The following NUP107 variants were observed in gnomAD, a reference collection of about 807,000 sequenced individuals.
NUP107 encodes the protein nucleoporin 107, also known as nuclear pore complex protein Nup107.
NUP107 carries 101 observed loss-of-function variants against 141.0 expected under a neutral mutation model. That is an observed-to-expected ratio of 0.72 (90% confidence interval 0.61 to 0.84). The LOEUF (loss-of-function observed/expected upper bound fraction) is 0.84. Ranked by LOEUF, NUP107 falls within the 40% of genes least tolerant of loss-of-function variation. NUP107 has a pLI of 0.00. For synonymous variants in NUP107, 319 were observed against 363.9 expected (o/e 0.88, Z 1.41); for missense variants, 941 against 1,102.7 (o/e 0.85, Z 2.08).
rs549461304 is a variant in NUP107, at chr12:68,708,870, C to CG, written c.730-366dup. Among the ~76,000 whole-genome samples the CG allele has an allele frequency of 7.2e-3, 1,095 of 152,240 alleles. 10 individuals carry two copies. Among genetic ancestry groups the CG allele is most frequent in the Non-Finnish European group, 0.011 (768 of 68,018 alleles). On this transcript the variant is annotated intron_variant, in intron 8 of 27. Transcript: ENST00000229179. ...CTGACCTCAAGTGATCTGCCTGCCT[C>CG]GGCCTCCCAAAGTGCTGGGATTACA...
chr12:68,727,336 T>C lies in NUP107; in HGVS notation c.1696-15T>C, dbSNP rs1286895568. On this transcript the variant is annotated splice_polypyrimidine_tract_variant and intron_variant, in intron 19 of 27. Transcript: ENST00000229179. ...AAGCAGTGTATTTATAATTATGTCT[T>C]TTTTTCCTATGAAGGAGGAAGTTTC... is the stretch of plus-strand genomic sequence containing the variant. The C allele has an allele frequency of 2.1e-6, 3 of 1,406,112 alleles. No homozygotes were observed. The African/African-American group carries it at 4.3e-5, about 20-fold the overall frequency. The allele number at this position is 1,406,112 out of a possible 1,614,324, so 87.1% of individuals were successfully genotyped here. A position where few individuals can be genotyped will look rare whatever the true frequency, so the allele number is the denominator to read the frequency against.
intron 12 of NUP107, among the ~76,000 whole-genome samples, chr12:68,718,157 G>A (rs1877191307): frequency 6.6e-6 from 1 of 152,156 alleles, no homozygotes; most frequent in African/African-American, 2.4e-5. Context: ...TACTCCCCAT[G>A]TTGTATCAGA....
At chr12:68,736,717 C>CTTTTTTTTTTTTTTT (rs10713889) in intron 26 of NUP107, among the ~76,000 whole-genome samples, 65 of 105,880 alleles carry the variant, frequency 6.1e-4, no homozygotes, top group African/African-American at 2.3e-3. Context: ...GTGTCGCCAC[C>CTTTTTTTTTTTTTTT]TTTTTTTTTT....
chr12:68,697,029 A>T, intron 6 of NUP107, 107 bp downstream of exon 6: 1 of 554,688 alleles, frequency 1.8e-6, no homozygotes, highest in Non-Finnish European at 3.1e-6. Context: ...TTAGGGGAAC[A>T]GTGGCAGGAG....
chr12:68,741,076 G>GA (rs955186876), intron 26 of NUP107, among the ~76,000 whole-genome samples: 28 of 144,622 alleles, frequency 1.9e-4, no homozygotes, highest in South Asian at 8.8e-4. Flanking sequence ...AAAAAGAAAA[G>GA]AAAAAAAAAA....
Position 68,739,558 on chromosome 12 carries a change from G to T in NUP107, c.2503-2255G>T, listed in dbSNP as rs750892487. 4.6e-5 allele frequency among the ~76,000 whole-genome samples: 7 copies of T among 152,264 alleles called. No individual in the cohort carries two copies. In the East Asian group the frequency reaches 1.2e-3, roughly 25 times the overall value. On this transcript the variant is annotated intron_variant, in intron 26 of 27. Transcript: ENST00000229179. ...TTCTCACATGTAAGGCACTACATGG[G>T]GGGGCGCGGTGGCTCACGCCTGTAA...
intron 20 of NUP107, 81 bp downstream of exon 20, chr12:68,727,470 T>C: frequency 1.3e-6 from 1 of 761,906 alleles, no homozygotes; most frequent in Non-Finnish European, 2.2e-6. Flanking sequence ...ATTTTAATTC[T>C]CAGTGGTAAG....
At chr12:68,703,830 C>T (rs1876452247) in intron 8 of NUP107, among the ~76,000 whole-genome samples, 1 of 152,014 alleles carries the variant, frequency 6.6e-6, no homozygotes, top group Non-Finnish European at 1.5e-5. Flanking sequence ...CATAGTATGT[C>T]AGAGTATAAA....
intron 8 of NUP107, among the ~76,000 whole-genome samples, chr12:68,703,333 C>G (rs1413373335): frequency 6.6e-6 from 1 of 152,110 alleles, no homozygotes; most frequent in Non-Finnish European, 1.5e-5. Context: ...AGACATTTTT[C>G]TATGCATCTT....
intron 9 of NUP107, 111 bp downstream of exon 9, chr12:68,709,420 A>T: frequency 1.7e-6 from 1 of 593,382 alleles, no homozygotes. Flanking sequence ...TTTTTTTTCT[A>T]CTTGATCTTT....
chr12:68,695,961 T>G (rs932669821), intron 5 of NUP107, among the ~76,000 whole-genome samples: 1 of 151,362 alleles, frequency 6.6e-6, no homozygotes, highest in African/African-American at 2.4e-5. Flanking sequence ...GAGCCATGAT[T>G]GCACCACTGT....
At chr12:68,703,540 TC>T (rs1876437848) in intron 8 of NUP107, among the ~76,000 whole-genome samples, 1 of 151,956 alleles carries the variant, frequency 6.6e-6, no homozygotes, top group South Asian at 2.1e-4. Flanking sequence ...AACCTCCGCC[TC>T]CTGGGTTCAA....
chr12:68,742,318 CT>C, intron 27 of NUP107, 36 bp from the exon 28 acceptor site: 2 of 1,343,054 alleles, frequency 1.5e-6, no homozygotes. Flanking sequence ...GTCTACTTGT[CT>C]TTGTTCTCAT....
In NUP107 at chr12:68,725,678, C is replaced by T. The variant is rs777971548; in HGVS notation, c.1507-49C>T. 3 of 936,598 alleles carry T rather than the reference C, an allele frequency of 3.2e-6. No homozygotes were observed. In the Admixed American group the frequency reaches 6.7e-5, roughly 21 times the overall value. 58.0% of individuals were successfully genotyped at this position (936,598 alleles called of 1,614,324 possible). A position where few individuals can be genotyped will look rare whatever the true frequency, so the allele number is the denominator to read the frequency against. On this transcript the variant is annotated intron_variant, in intron 17 of 27. Coordinates refer to ENST00000229179, the MANE Select transcript of NUP107 (RefSeq NM_020401.4). ...TTAGTTTAACAGTGAATATATACTA[C>T]AGAATGACTGCTAGAAGATTTATGG...
rs1466490166 is a variant in NUP107, at chr12:68,722,148, A to G, written c.1502A>G (p.Lys501Arg). The G allele has an allele frequency of 1.2e-6, 2 of 1,613,422 alleles. No homozygotes were observed. The highest frequency in any genetic ancestry group is 4.5e-5 in the East Asian group (2 of 44,860). ...TTTGAGGAACTTCAAGCTACTGACA[A>G]AAAGGTAAATGTTAATAGGAATATG... ...KVFEELQATD[K>R]KRVLEENQEH... The change falls in exon 17 of 28, where the codon AAA (lysine) becomes AGA (arginine). Residue 501 changes from lysine (K) to arginine (R), a missense_variant. Transcript: ENST00000229179.
In NUP107 at chr12:68,689,565, A is replaced by G; in HGVS notation, c.133A>G (p.Thr45Ala). 6.2e-7 allele frequency: 1 copy of G among 1,612,730 alleles called. No homozygotes were observed. The highest frequency in any genetic ancestry group is 2.2e-5 in the East Asian group (1 of 44,774). The change falls in exon 3 of 28, where the codon ACT (threonine) becomes GCT (alanine). Residue 45 changes from threonine (T) to alanine (A), a missense_variant. Thr to Ala is a moderately conservative substitution (Grantham distance 58). Transcript: ENST00000229179. The stretch of plus-strand genomic sequence containing the variant: ...ATCTCAAGATGAAAATTTTGGTAAT[A>G]CTACACCAAGAAACCAGGTTATCCC... ...QASQDENFGN[T>A]TPRNQVIPRT...
intron 20 of NUP107, among the ~76,000 whole-genome samples, chr12:68,728,997 A>G (rs1042238305): frequency 2.6e-5 from 4 of 152,156 alleles, no homozygotes; most frequent in African/African-American, 9.7e-5. Context: ...CAGTATCACT[A>G]CTGGCACTTT....
chr12:68,713,083 A>G lies in NUP107; in HGVS notation c.891-647A>G, dbSNP rs541034937. ...AAATTAAAAATGTATCATTAAAAAA[A>G]CACCATTGGCCAGACATGGTGGCTC... On this transcript the variant is annotated intron_variant, in intron 10 of 27. Transcript: ENST00000229179. 2.0e-5 allele frequency among the ~76,000 whole-genome samples: 3 copies of G among 152,154 alleles called. No individual in the cohort carries two copies. The South Asian group carries it at 6.2e-4, about 32-fold the overall frequency.
intron 9 of NUP107, among the ~76,000 whole-genome samples, 156 bp downstream of exon 9, chr12:68,709,465 CTTTGATT>C: frequency 6.6e-6 from 1 of 152,032 alleles, no homozygotes; most frequent in Middle Eastern, 3.4e-3. Flanking sequence ...AAACCTTATT[CTTTGATT>C]TTTAAGTAAT....
Sources: gnomAD v4.1 joint callset for allele counts (sites outside exome capture counted in the v4.1 genomes callset) on GRCh38, gnomAD v4.1.1 for gene constraint, MANE v1.5 for transcripts, NCBI Gene and HGNC (gene_info 2026-07-23, HGNC 2026-07-21) for gene names.